LDB2: variants seen among roughly 807,000 people sequenced by gnomAD.
LDB2 encodes the protein LIM domain binding 2.
A neutral mutation model predicts 44.3 loss-of-function variants in LDB2; 12 were observed. That is an observed-to-expected ratio of 0.27 (90% CI 0.17 to 0.44). The LOEUF is 0.44. Ranked by LOEUF, LDB2 falls within the 20% of genes least tolerant of loss-of-function variation. LDB2 has a pLI of 1.00. For missense variants in LDB2, 344 were observed against 473.5 expected (o/e 0.73, Z 2.54); for synonymous variants, 164 against 174.8 (o/e 0.94, Z 0.49).
chr4:16,532,363 A>T (rs1730445519), intron 5 of LDB2, among the ~76,000 whole-genome samples: 1 of 152,208 alleles, frequency 6.6e-6, no homozygotes, highest in South Asian at 2.1e-4. Flanking sequence ...TAATAAATAG[A>T]CAAGAAGCAC....
intron 1 of LDB2, among the ~76,000 whole-genome samples, chr4:16,766,483 T>A (rs1769282909): frequency 7.8e-6 from 1 of 127,820 alleles, no homozygotes; most frequent in Non-Finnish European, 1.6e-5. Flanking sequence ...TGTGTGTGTG[T>A]GTGTGTGTGT....
At chr4:16,872,324 AT>A (rs933271897) in intron 1 of LDB2, among the ~76,000 whole-genome samples, 4 of 151,624 alleles carry the variant, frequency 2.6e-5, no homozygotes, top group Admixed American at 2.0e-4. Context: ...TTTATTTTTT[AT>A]TTTTTATCTT....
intron 5 of LDB2, among the ~76,000 whole-genome samples, chr4:16,542,108 G>GGC (rs200269462): frequency 1.4e-5 from 2 of 147,350 alleles, no homozygotes; most frequent in African/African-American, 5.1e-5. Flanking sequence ...TGGTGGGGGG[G>GGC]GGGGCGCGAG....
At chr4:16,789,303 T>C (rs1270534846) in intron 1 of LDB2, among the ~76,000 whole-genome samples, 1 of 152,140 alleles carries the variant, frequency 6.6e-6, no homozygotes, top group Admixed American at 6.5e-5. Flanking sequence ...TGACAAATAT[T>C]TATCAAAGGC....
chr4:16,796,715 GATCAAGCT>G (rs1776816749), intron 1 of LDB2, among the ~76,000 whole-genome samples: 1 of 152,148 alleles, frequency 6.6e-6, no homozygotes, highest in Admixed American at 6.5e-5. Flanking sequence ...TCAGCCAGGT[GATCAAGCT>G]TAACATCGTC....
rs147225979 is a variant in LDB2 at position 16,834,872 on chromosome 4, C to T, written c.132+63482G>A. Among the ~76,000 whole-genome samples the T allele has an allele frequency of 1.4e-4, 21 of 151,124 alleles. No individual in the cohort carries two copies. In the East Asian group the frequency reaches 1.8e-3, roughly 13 times the overall value. ...GTCAAGAAGGAAAGGAAGGCTCTGTCGTGTTCACTATTGTACTCCCAGCAT... is the reference window on the plus strand; with the variant it reads ...GTCAAGAAGGAAAGGAAGGCTCTGTTGTGTTCACTATTGTACTCCCAGCAT... On this transcript the variant is annotated intron_variant, in intron 1 of 7. Coordinates refer to ENST00000304523, the MANE Select transcript of LDB2 (RefSeq NM_001290.5).
chr4:16,681,143 AC>A (rs1380092639), intron 2 of LDB2, among the ~76,000 whole-genome samples: 7 of 152,200 alleles, frequency 4.6e-5, no homozygotes, highest in African/African-American at 9.7e-5. Context: ...AATTACATGA[AC>A]CCTTTAAAAA....
At chr4:16,571,947 C>T (rs1347699598) in intron 5 of LDB2, among the ~76,000 whole-genome samples, 1 of 152,176 alleles carries the variant, frequency 6.6e-6, no homozygotes, top group Non-Finnish European at 1.5e-5. Context: ...GTGCCTTAAA[C>T]TCTGCTAGGG....
intron 2 of LDB2, among the ~76,000 whole-genome samples, chr4:16,623,763 C>CAT (rs202140174): frequency 9.6e-6 from 1 of 104,558 alleles, no homozygotes; most frequent in African/African-American, 3.1e-5. Flanking sequence ...TTGAAATATA[C>CAT]ATACACACAC....
intron 1 of LDB2, among the ~76,000 whole-genome samples, chr4:16,781,991 T>C (rs967390431): frequency 1.3e-5 from 2 of 152,210 alleles, no homozygotes; most frequent in African/African-American, 2.4e-5. Flanking sequence ...TGCTGATTTC[T>C]AGACTCCAGA....
At chr4:16,586,537 A>G (rs1311540314) in intron 4 of LDB2, among the ~76,000 whole-genome samples, 5 of 131,018 alleles carry the variant, frequency 3.8e-5, no homozygotes, top group Admixed American at 1.5e-4. Context: ...AAACACACAC[A>G]CACACACACA....
At chr4:16,778,876 T>A (rs1772544572) in intron 1 of LDB2, among the ~76,000 whole-genome samples, 1 of 152,210 alleles carries the variant, frequency 6.6e-6, no homozygotes, top group Non-Finnish European at 1.5e-5. Context: ...TATCCTTGGA[T>A]GTAAAGTTAG....
intron 2 of LDB2, among the ~76,000 whole-genome samples, chr4:16,666,646 C>T (rs1428609853): frequency 6.6e-6 from 1 of 152,214 alleles, no homozygotes; most frequent in African/African-American, 2.4e-5. Context: ...TGTGGCTTCA[C>T]ACCAGTTACC....
At chr4:16,682,565 T>C (rs766619589) in intron 2 of LDB2, among the ~76,000 whole-genome samples, 8 of 152,206 alleles carry the variant, frequency 5.3e-5, no homozygotes, top group Non-Finnish European at 4.4e-5. Flanking sequence ...CACCAGTTGG[T>C]TGGGAATGCT....
At position 16,509,521 on chromosome 4, in the gene LDB2, T is replaced by C. The variant is rs550534208; in HGVS notation, c.740-835A>G. Among the ~76,000 whole-genome samples the C allele has an allele frequency of 1.3e-4, 20 of 152,340 alleles. No homozygotes were observed. In the East Asian group the frequency reaches 3.9e-3, roughly 29 times the overall value. On this transcript the variant is annotated intron_variant, in intron 6 of 7. Transcript: ENST00000304523. ...AGTGTGATAAGAGAAATATTCTTTA[T>C]TTATTTGTTTGTTTACTTATAAGGT...
chr4:16,664,397 T>G (rs58289340), intron 2 of LDB2, among the ~76,000 whole-genome samples: 2 of 152,176 alleles, frequency 1.3e-5, no homozygotes, highest in Non-Finnish European at 2.9e-5. Context: ...TATTTTGTTA[T>G]AGTAGCCTGA....
rs189152950 is a variant in LDB2, at chr4:16,748,668, A to G, written c.235+10490T>C. ...TACACATTGGATTGTAGGGGAGGAT[A>G]CCTGGATTTGGCTCACTCCACTAAA... is the stretch of plus-strand genomic sequence containing the variant. On this transcript the variant is annotated intron_variant, in intron 2 of 7. Coordinates refer to ENST00000304523, the MANE Select transcript of LDB2 (RefSeq NM_001290.5). Among the ~76,000 whole-genome samples, 555 of 152,322 alleles carry G rather than the reference A, an allele frequency of 3.6e-3. 5 individuals are homozygous for G. Among genetic ancestry groups the G allele is most frequent in the African/African-American group, 0.013 (530 of 41,568 alleles).
intron 1 of LDB2, among the ~76,000 whole-genome samples, chr4:16,868,263 C>A (rs976584739): frequency 6.6e-6 from 1 of 152,114 alleles, no homozygotes; most frequent in Non-Finnish European, 1.5e-5. Context: ...AGGGACCAGA[C>A]CTCTAAATTT....
chr4:16,729,619 C>T (rs1760305126), intron 2 of LDB2, among the ~76,000 whole-genome samples: 1 of 152,178 alleles, frequency 6.6e-6, no homozygotes, highest in Non-Finnish European at 1.5e-5. Context: ...CTATAAAAAT[C>T]AGCTCACTGG....
Sources: allele counts gnomAD v4.1 joint callset (sites outside exome capture counted in the v4.1 genomes callset), GRCh38; gene constraint gnomAD v4.1.1; transcripts MANE v1.5; gene names NCBI Gene and HGNC (gene_info 2026-07-23, HGNC 2026-07-21).